Variants in NEK4 observed in about 807,000 individuals in gnomAD.
The protein encoded by NEK4 is NIMA related kinase 4, also known as serine/threonine-protein kinase Nek4.
Under a neutral mutation model 98.4 loss-of-function variants are expected in NEK4, and 86 were observed. The ratio of observed to expected loss-of-function variants is 0.87; its 90% CI spans 0.73 to 1.05. The LOEUF (loss-of-function observed/expected upper bound fraction) is 1.05, where lower values mean the gene tolerates loss of function less well. Ranked by LOEUF, NEK4 falls within the 50% of genes least tolerant of loss-of-function variation. The pLI, the probability that NEK4 is intolerant of heterozygous loss-of-function variation, is 0.00. For synonymous variants in NEK4, 328 were observed against 342.2 expected (o/e 0.96, Z 0.46); for missense variants, 898 against 950.3 (o/e 0.94, Z 0.72).
At chr3:52,729,329 C>A (rs567367321) in intron 15 of NEK4, among the ~76,000 whole-genome samples, 1 of 152,122 alleles carries the variant, frequency 6.6e-6, no homozygotes, top group Non-Finnish European at 1.5e-5. Context: ...ATAGAAAGAA[C>A]CTACGTTGAA....
intron 7 of NEK4, among the ~76,000 whole-genome samples, chr3:52,750,426 C>T (rs543199345): frequency 2.6e-5 from 4 of 151,888 alleles, no homozygotes; most frequent in Non-Finnish European, 5.9e-5. Flanking sequence ...TATGCACTTG[C>T]AATCCCAGGT....
chr3:52,752,314 TG>T lies in NEK4; in HGVS notation c.985del (p.Gln329ArgfsTer10), dbSNP rs746288346. The stretch of plus-strand genomic sequence containing the variant: ...GAGACCAGAGGCCCTGGGTTTCTCC[TG>T]GGACAAACATTTGCCTTCACCCTGA... Reference protein sequence around the residue: ...YIMGEGKCLSQEKPRASGLLK... With the variant: ...YIMGEGKCLSXEKPRASGLLK... On this transcript the variant is annotated frameshift_variant, in exon 7 of 16. Transcript: ENST00000233027. LOFTEE classifies it high-confidence loss of function. The T allele has an allele frequency of 1.9e-6, 3 of 1,613,578 alleles. No individual in the cohort carries two copies. The highest frequency in any genetic ancestry group is 2.5e-6 in the Non-Finnish European group (3 of 1,179,652).
intron 8 of NEK4, among the ~76,000 whole-genome samples, chr3:52,747,807 G>A (rs1393326337): frequency 3.3e-5 from 5 of 151,234 alleles, no homozygotes; most frequent in Non-Finnish European, 7.4e-5. Context: ...AAAGTCAGAT[G>A]TAGTGATATG....
chr3:52,737,032 G>A (rs1278082774), intron 15 of NEK4, among the ~76,000 whole-genome samples: 1 of 152,138 alleles, frequency 6.6e-6, no homozygotes, highest in Admixed American at 6.5e-5. Context: ...CGCCTCCTAG[G>A]TTCAAACAAT....
At chr3:52,753,729 A>G in intron 6 of NEK4, 1 of 565,244 alleles carries the variant, frequency 1.8e-6, no homozygotes, top group Admixed American at 1.9e-5. Context: ...CATGCTTCCT[A>G]CAGACTCGTC....
intron 15 of NEK4, among the ~76,000 whole-genome samples, chr3:52,713,273 A>T (rs971803379): frequency 6.6e-6 from 1 of 152,184 alleles, no homozygotes; most frequent in Non-Finnish European, 1.5e-5. Flanking sequence ...AAAAATGTAT[A>T]ACCTAAATCT....
At chr3:52,754,054 T>C in intron 6 of NEK4, 2 of 253,244 alleles carry the variant, frequency 7.9e-6, no homozygotes, top group Non-Finnish European at 7.7e-6. Flanking sequence ...TCCCAGCTAC[T>C]TAGGAGGCTG....
At chr3:52,745,713 T>C (rs2097394886) in intron 10 of NEK4, among the ~76,000 whole-genome samples, 1 of 152,162 alleles carries the variant, frequency 6.6e-6, no homozygotes, top group African/African-American at 2.4e-5. Context: ...AAAAGCTTTA[T>C]AAGAAGGTTT....
intron 6 of NEK4, among the ~76,000 whole-genome samples, chr3:52,757,958 C>T (rs1698186400): frequency 6.6e-6 from 1 of 151,888 alleles, no homozygotes; most frequent in South Asian, 2.1e-4. Flanking sequence ...GGTGGATTGC[C>T]TGAGGTCAGG....
At chr3:52,714,123 G>C (rs1444301373) in intron 15 of NEK4, among the ~76,000 whole-genome samples, 1 of 152,098 alleles carries the variant, frequency 6.6e-6, no homozygotes, top group African/African-American at 2.4e-5. Flanking sequence ...GTAGTCCTAG[G>C]TACTTGGGAG....
Position 52,709,722 on chromosome 3 carries a change from AGAT to A in NEK4, c.*2052_*2054del, listed in dbSNP as rs1348642834. 3 of 150,538 alleles carry A rather than the reference AGAT, an allele frequency of 2.0e-5. No individual in the cohort carries two copies. Among genetic ancestry groups the A allele is most frequent in the Non-Finnish European group, 4.4e-5 (3 of 67,704 alleles). 9.3% of individuals were successfully genotyped at this position (150,538 alleles called of 1,614,324 possible). Reference sequence around the variant, plus strand: ...TCTCAAAAAAAAAAAAAAAAAAAAAAGATATGGGTGAGATTCCTTTAATTCTAA... The same window carrying A: ...TCTCAAAAAAAAAAAAAAAAAAAAAAATGGGTGAGATTCCTTTAATTCTAA... On this transcript the variant is annotated 3_prime_UTR_variant, in exon 16 of 16. Transcript: ENST00000233027.
chr3:52,766,342 G>T lies in NEK4; in HGVS notation c.394C>A (p.Leu132Met). 3 of 1,613,924 alleles carry T rather than the reference G, an allele frequency of 1.9e-6. No homozygotes were observed. Among genetic ancestry groups the T allele is most frequent in the Non-Finnish European group, 2.5e-6 (3 of 1,179,818 alleles). The change falls in exon 3 of 16, where the codon CTG becomes ATG. Residue 132 changes from leucine (L) to methionine (M), a missense_variant. Coordinates refer to ENST00000233027, the MANE Select transcript of NEK4 (RefSeq NM_003157.6). ...LHEKHILHRDLKTQNVFLTRT... is the reference protein window; with the variant it reads ...LHEKHILHRDMKTQNVFLTRT... Reference sequence around the variant, plus strand: ...GTTAGGAAGACATTTTGAGTTTTCAGATCTCGATGAAGGATGTGTTTTTCA... The same window carrying T: ...GTTAGGAAGACATTTTGAGTTTTCATATCTCGATGAAGGATGTGTTTTTCA...
In NEK4 at chr3:52,752,181, TTTTGCAGGTAAGA is replaced by T; in HGVS notation, c.1106_1118del (p.Ile369LysfsTer6). On this transcript the variant is annotated frameshift_variant, in exon 7 of 16. Coordinates refer to ENST00000233027, the MANE Select transcript of NEK4 (RefSeq NM_003157.6). LOFTEE classifies it high-confidence loss of function. ...AGCCATCACTCACTGAATCCCTCCC[TTTTGCAGGTAAGA>T]TGTCAATATTTACGCTACTGATTGT... The T allele has an allele frequency of 6.2e-7, 1 of 1,614,214 alleles. No homozygotes were observed. The highest frequency in any genetic ancestry group is 8.5e-7 in the Non-Finnish European group (1 of 1,180,044).
intron 15 of NEK4, among the ~76,000 whole-genome samples, chr3:52,723,853 A>C (rs2097362240): frequency 6.6e-6 from 1 of 152,220 alleles, no homozygotes; most frequent in African/African-American, 2.4e-5. Context: ...TTAAAAGACA[A>C]AATAAATATA....
chr3:52,735,003 C>G (rs2097373997), intron 15 of NEK4: 2 of 181,996 alleles, frequency 1.1e-5, no homozygotes, highest in South Asian at 1.2e-4. Context: ...ATTCCACAAA[C>G]AAGCCAGAAA....
intron 15 of NEK4, among the ~76,000 whole-genome samples, chr3:52,712,905 G>A (rs1262366806): frequency 2.0e-5 from 3 of 152,136 alleles, no homozygotes; most frequent in Admixed American, 6.6e-5. Context: ...GGGTCTCCGG[G>A]GTTTTTATAG....
chr3:52,739,240 A>G (rs1290534778), intron 14 of NEK4, among the ~76,000 whole-genome samples, 189 bp downstream of exon 14: 1 of 152,092 alleles, frequency 6.6e-6, no homozygotes, highest in Non-Finnish European at 1.5e-5. Context: ...CTCTACCAAA[A>G]ATACAAAAAT....
chr3:52,763,831 G>A (rs894537753), intron 4 of NEK4, among the ~76,000 whole-genome samples: 1 of 152,224 alleles, frequency 6.6e-6, no homozygotes, highest in Non-Finnish European at 1.5e-5. Flanking sequence ...CAACCCAGCA[G>A]TCCCATCTGA....
chr3:52,754,451 A>G, intron 6 of NEK4: 1 of 599,088 alleles, frequency 1.7e-6, no homozygotes. Flanking sequence ...GCTTTTTAAG[A>G]GTAAAGTGGT....
Sources: gnomAD v4.1 joint callset for allele counts (sites outside exome capture counted in the v4.1 genomes callset) on GRCh38, gnomAD v4.1.1 for gene constraint, MANE v1.5 for transcripts, NCBI Gene and HGNC (gene_info 2026-07-23, HGNC 2026-07-21) for gene names.